The following ERBB4 variants were observed in gnomAD, a reference collection of about 807,000 sequenced individuals.
ERBB4 encodes erb-b2 receptor tyrosine kinase 4.
In ERBB4, 42 loss-of-function variants were observed where a neutral mutation model predicts 158.0. The observed-to-expected ratio is 0.27, with a 90% CI of 0.21 to 0.34. The LOEUF (loss-of-function observed/expected upper bound fraction) is 0.34, where lower values mean the gene tolerates loss of function less well. ERBB4 is among the 10% of genes least tolerant of loss of function. ERBB4 has a pLI of 1.00. For missense variants in ERBB4, 1,333 were observed against 1,624.1 expected (o/e 0.82, Z 3.08); for synonymous variants, 583 against 558.7 (o/e 1.04, Z -0.61).
intron 1 of ERBB4, among the ~76,000 whole-genome samples, chr2:212,180,207 A>G (rs1301115041): frequency 6.6e-6 from 1 of 151,854 alleles, no homozygotes; most frequent in Non-Finnish European, 1.5e-5. Flanking sequence ...GTATATCCTC[A>G]TAGGGGCTAC....
intron 19 of ERBB4, among the ~76,000 whole-genome samples, chr2:211,589,231 C>G (rs567691336): frequency 1.3e-5 from 2 of 152,206 alleles, no homozygotes; most frequent in Admixed American, 6.5e-5. Context: ...AATGTAATCA[C>G]AGCAAAAGAT....
intron 19 of ERBB4, among the ~76,000 whole-genome samples, chr2:211,567,699 G>A (rs922848538): frequency 3.3e-5 from 5 of 151,658 alleles, no homozygotes; most frequent in African/African-American, 9.7e-5. Context: ...ACTACAAAGA[G>A]TATTTGAAAC....
intron 3 of ERBB4, among the ~76,000 whole-genome samples, chr2:211,839,959 T>A (rs2077434381): frequency 6.6e-6 from 1 of 152,126 alleles, no homozygotes; most frequent in African/African-American, 2.4e-5. Context: ...GACACTGCCC[T>A]TACTTAGTGG....
At chr2:212,371,458 C>T (rs2090083160) in intron 1 of ERBB4, among the ~76,000 whole-genome samples, 1 of 152,162 alleles carries the variant, frequency 6.6e-6, no homozygotes, top group Non-Finnish European at 1.5e-5. Flanking sequence ...CTCCTACATG[C>T]TGGTTTCTTT....
chr2:212,213,425 G>A (rs2082998938), intron 1 of ERBB4, among the ~76,000 whole-genome samples: 1 of 151,842 alleles, frequency 6.6e-6, no homozygotes, highest in African/African-American at 2.4e-5. Flanking sequence ...ATGAGTAGAA[G>A]TTTAACAGGA....
At chr2:211,489,513 A>G (rs1479816004) in intron 20 of ERBB4, among the ~76,000 whole-genome samples, 1 of 152,018 alleles carries the variant, frequency 6.6e-6, no homozygotes, top group East Asian at 1.9e-4. Context: ...TTATAAAAAT[A>G]TGGTTGTTGG....
At chr2:212,058,085 C>T (rs755772865) in intron 2 of ERBB4, among the ~76,000 whole-genome samples, 9 of 150,668 alleles carry the variant, frequency 6.0e-5, no homozygotes, top group Admixed American at 5.3e-4. Context: ...GACGCAGACG[C>T]AATAAAAAAT....
intron 3 of ERBB4, among the ~76,000 whole-genome samples, chr2:211,888,803 A>T (rs186223860): frequency 1.3e-5 from 2 of 149,890 alleles, no homozygotes; most frequent in Non-Finnish European, 3.0e-5. Flanking sequence ...CACCTGGAAA[A>T]TCGGGTCACT....
rs2067415541 is a variant in ERBB4 at position 211,562,202 on chromosome 2, G to C, written c.2302-114C>G. 3.7e-6 allele frequency: 3 copies of C among 821,460 alleles called. No individual in the cohort carries two copies. In the East Asian group the frequency reaches 7.8e-5, roughly 21 times the overall value. 50.9% of individuals were successfully genotyped at this position (821,460 alleles called of 1,614,324 possible). A position where few individuals can be genotyped will look rare whatever the true frequency, so the allele number is the denominator to read the frequency against. On this transcript the variant is annotated intron_variant, in intron 19 of 27. Transcript: ENST00000342788. ...TTTAAAAATGTACTCTTACTCAATG[G>C]AATCAATCAAAATGAAAAGACATAA...
intron 1 of ERBB4, among the ~76,000 whole-genome samples, chr2:212,146,986 C>CTTTT (rs34029473): frequency 0.028 from 2,184 of 77,386 alleles, 249 homozygotes; most frequent in African/African-American, 0.05. Flanking sequence ...CATTGTTAGA[C>CTTTT]TTTTTTTTTT....
At chr2:211,643,493 AT>A (rs569397629) in intron 16 of ERBB4, among the ~76,000 whole-genome samples, 73 of 152,254 alleles carry the variant, frequency 4.8e-4, no homozygotes, top group Non-Finnish European at 1.0e-3. Context: ...GGCAAGGAAG[AT>A]ACTAACTGAA....
intron 1 of ERBB4, among the ~76,000 whole-genome samples, chr2:212,510,212 T>TATAC (rs912534202): frequency 1.1e-4 from 12 of 108,698 alleles, no homozygotes; most frequent in African/African-American, 3.3e-4. Context: ...ACAGTATATA[T>TATAC]ATATATATAT....
chr2:211,560,262 C>CTTTTTTTTTTTTTTTTTTTT lies in ERBB4; in HGVS notation c.2487+1621_2487+1640dup, dbSNP rs769707072. On this transcript the variant is annotated intron_variant, in intron 20 of 27. Coordinates refer to ENST00000342788, the MANE Select transcript of ERBB4 (RefSeq NM_005235.3). ...CAGCACTAACAAATTTGAAGCTTAG[C>CTTTTTTTTTTTTTTTTTTTT]TTTTTTTTTTTTTTTTTTTTTTTTT... is the stretch of plus-strand genomic sequence containing the variant. Among the ~76,000 whole-genome samples, 30 of 46,312 alleles carry CTTTTTTTTTTTTTTTTTTTT rather than the reference C, an allele frequency of 6.5e-4. 6 individuals are homozygous for CTTTTTTTTTTTTTTTTTTTT. Among genetic ancestry groups the CTTTTTTTTTTTTTTTTTTTT allele is most frequent in the African/African-American group, 1.7e-3 (18 of 10,454 alleles). 30.4% of individuals were successfully genotyped at this position (46,312 alleles called of 152,430 possible).
At chr2:212,271,694 A>G (rs538918824) in intron 1 of ERBB4, among the ~76,000 whole-genome samples, 8 of 151,842 alleles carry the variant, frequency 5.3e-5, no homozygotes, top group Non-Finnish European at 1.2e-4. Context: ...TTCCCAGTAG[A>G]CTTCTGATAA....
intron 1 of ERBB4, among the ~76,000 whole-genome samples, chr2:212,516,520 A>G (rs1441904552): frequency 1.3e-5 from 2 of 152,084 alleles, no homozygotes; most frequent in African/African-American, 4.8e-5. Context: ...CTGTAAAATA[A>G]CTGGAAAAGA....
At chr2:211,384,284 A>C (rs1434407865) in intron 27 of ERBB4, among the ~76,000 whole-genome samples, 1 of 152,198 alleles carries the variant, frequency 6.6e-6, no homozygotes, top group African/African-American at 2.4e-5. Context: ...CGAGGCCAGA[A>C]TCAGAATTTC....
At chr2:211,801,982 G>A (rs1047828488) in intron 3 of ERBB4, among the ~76,000 whole-genome samples, 7 of 152,120 alleles carry the variant, frequency 4.6e-5, no homozygotes, top group East Asian at 1.9e-4. Flanking sequence ...AATACAGGCC[G>A]GGCACGGTGG....
intron 3 of ERBB4, among the ~76,000 whole-genome samples, chr2:211,846,262 T>G (rs1210750213): frequency 6.6e-6 from 1 of 152,088 alleles, no homozygotes; most frequent in Non-Finnish European, 1.5e-5. Context: ...ACTAATCCTT[T>G]AATCTCCAGA....
At chr2:211,424,038 T>C (rs181099667) in intron 23 of ERBB4, 117 bp downstream of exon 23, 365 of 1,012,924 alleles carry the variant, frequency 3.6e-4, no homozygotes, top group Middle Eastern at 4.3e-4. Context: ...GTTCCTTTCA[T>C]AATTGTTTTT....
Sources: allele counts gnomAD v4.1 joint callset (sites outside exome capture counted in the v4.1 genomes callset), GRCh38; gene constraint gnomAD v4.1.1; transcripts MANE v1.5; gene names NCBI Gene and HGNC (gene_info 2026-07-23, HGNC 2026-07-21).